The following USH2A variants were observed in gnomAD, a reference collection of about 807,000 sequenced individuals.
The protein encoded by USH2A is usherin.
In USH2A, 443 loss-of-function variants were observed where a neutral mutation model predicts 538.9. That is an observed-to-expected ratio of 0.82 (90% confidence interval 0.76 to 0.89). The LOEUF is 0.89. Ranked by LOEUF, USH2A falls within the 40% of genes least tolerant of loss-of-function variation. The pLI is 0.00. For synonymous variants in USH2A, 2,413 were observed against 2,273.5 expected, an observed-to-expected ratio of 1.06 and a Z score of -1.75; for missense variants, 6,633 against 6,324.8, an observed-to-expected ratio of 1.05 and a Z score of -1.65.
intron 32 of USH2A, among the ~76,000 whole-genome samples, chr1:216,010,582 T>G (rs1668536398): frequency 6.6e-6 from 1 of 151,824 alleles, no homozygotes; most frequent in African/African-American, 2.4e-5. Flanking sequence ...ATACGGAGGC[T>G]ACTCACTCCA....
intron 16 of USH2A, chr1:216,204,181 C>T (rs1360320711): frequency 1.3e-5 from 2 of 152,602 alleles, no homozygotes; most frequent in African/African-American, 4.8e-5. Flanking sequence ...TGTCCACTCC[C>T]TAAACCTGCA....
intron 14 of USH2A, among the ~76,000 whole-genome samples, chr1:216,225,448 G>T (rs950041070): frequency 2.6e-5 from 4 of 152,188 alleles, no homozygotes; most frequent in African/African-American, 9.6e-5. Flanking sequence ...TCATCAGTGG[G>T]ATAGGAGGGT....
chr1:216,280,703 A>C (rs900398255), intron 11 of USH2A, among the ~76,000 whole-genome samples: 4 of 62,768 alleles, frequency 6.4e-5, no homozygotes, highest in Non-Finnish European at 1.5e-4. Context: ...ATAAGGAAGA[A>C]TTACAACATT....
intron 11 of USH2A, among the ~76,000 whole-genome samples, chr1:216,276,698 A>C (rs763932674): frequency 1.3e-5 from 2 of 152,134 alleles, no homozygotes; most frequent in Non-Finnish European, 2.9e-5. Context: ...CAATCATGGC[A>C]GAAGGCAAGG....
intron 4 of USH2A, among the ~76,000 whole-genome samples, chr1:216,359,038 C>A (rs1455130475): frequency 1.3e-5 from 2 of 152,112 alleles, no homozygotes; most frequent in Non-Finnish European, 2.9e-5. Flanking sequence ...ATAAGGCTCA[C>A]AAGATTTAAT....
chr1:215,820,289 T>TCACACACA, intron 47 of USH2A, among the ~76,000 whole-genome samples: 2 of 150,308 alleles, frequency 1.3e-5, no homozygotes, highest in African/African-American at 2.4e-5. Flanking sequence ...TCTCATTCCT[T>TCACACACA]CACACACACA....
intron 61 of USH2A, among the ~76,000 whole-genome samples, chr1:215,709,894 G>T (rs966961429): frequency 6.6e-6 from 1 of 152,062 alleles, no homozygotes; most frequent in Non-Finnish European, 1.5e-5. Flanking sequence ...ACTATTTCTA[G>T]GGTTGAATGA....
chr1:216,188,726 G>T (rs2034657293), intron 20 of USH2A, among the ~76,000 whole-genome samples: 1 of 151,754 alleles, frequency 6.6e-6, no homozygotes, highest in South Asian at 2.1e-4. Flanking sequence ...AACACTTGGG[G>T]GAATATTACA....
rs571954128 is a variant in USH2A at position 216,337,080 on chromosome 1, G to A, written c.785-9426C>T. Among the ~76,000 whole-genome samples the A allele has an allele frequency of 4.6e-5, 7 of 151,486 alleles. No homozygotes were observed. In the South Asian group the frequency reaches 1.2e-3, roughly 27 times the overall value. ...ACCAGAAATATTACAACAAAGAAAT[G>A]TCCAGAAATAGCAGCCAGAGACAGA... On this transcript the variant is annotated intron_variant, in intron 4 of 71. Transcript: ENST00000307340.
At chr1:215,628,013 C>T (rs1222623685) in intron 71 of USH2A, among the ~76,000 whole-genome samples, 1 of 152,086 alleles carries the variant, frequency 6.6e-6, no homozygotes, top group Non-Finnish European at 1.5e-5. Context: ...ATGATTTGTA[C>T]CCACTGGACT....
At chr1:215,819,849 T>C (rs1165165932) in intron 47 of USH2A, among the ~76,000 whole-genome samples, 3 of 151,560 alleles carry the variant, frequency 2.0e-5, no homozygotes, top group African/African-American at 7.3e-5. Flanking sequence ...TTAAGAAGAG[T>C]ATTGGGTTTA....
chr1:215,735,856 A>G (rs536819430), intron 60 of USH2A, among the ~76,000 whole-genome samples: 2 of 152,312 alleles, frequency 1.3e-5, no homozygotes, highest in Admixed American at 1.3e-4. Context: ...TTTCTAAAAC[A>G]TGGCTTTGGA....
intron 61 of USH2A, among the ~76,000 whole-genome samples, chr1:215,692,972 T>G (rs1285671129): frequency 6.6e-6 from 1 of 151,600 alleles, no homozygotes; most frequent in Non-Finnish European, 1.5e-5. Flanking sequence ...GGCATGATCT[T>G]GGCTCATGGC....
intron 61 of USH2A, among the ~76,000 whole-genome samples, chr1:215,720,181 A>T (rs1408772815): frequency 1.3e-5 from 2 of 152,096 alleles, no homozygotes; most frequent in East Asian, 3.9e-4. Flanking sequence ...TTCATAAAAA[A>T]AATTAAAGAA....
intron 35 of USH2A, among the ~76,000 whole-genome samples, chr1:215,972,412 G>A (rs1175385926): frequency 2.0e-5 from 3 of 152,056 alleles, no homozygotes; most frequent in African/African-American, 4.8e-5. Context: ...ATGTCAAATC[G>A]GCAAGTGTAG....
At chr1:216,219,835 T>C (rs1020791754) in intron 14 of USH2A, among the ~76,000 whole-genome samples, 1 of 152,150 alleles carries the variant, frequency 6.6e-6, no homozygotes, top group Non-Finnish European at 1.5e-5. Flanking sequence ...AAACAATTTG[T>C]GATGTTTATT....
At chr1:216,174,552 T>A in intron 21 of USH2A, 2 of 983,174 alleles carry the variant, frequency 2.0e-6, no homozygotes, top group Non-Finnish European at 2.4e-6. Context: ...GCTTTCACAT[T>A]GATTTTCATT....
At chr1:215,679,079 A>G (rs1571952599) in intron 62 of USH2A, among the ~76,000 whole-genome samples, 3 of 152,332 alleles carry the variant, frequency 2.0e-5, no homozygotes, top group Admixed American at 2.0e-4. Flanking sequence ...GTCCACATGT[A>G]GGCAGGCTGG....
chr1:216,077,663 T>C (rs1374954675), intron 27 of USH2A, among the ~76,000 whole-genome samples: 1 of 146,452 alleles, frequency 6.8e-6, no homozygotes, highest in Non-Finnish European at 1.5e-5. Context: ...TTTAAATAAA[T>C]ATATAAATTA....
Sources: gnomAD v4.1 joint callset for allele counts (sites outside exome capture counted in the v4.1 genomes callset) on GRCh38, gnomAD v4.1.1 for gene constraint, MANE v1.5 for transcripts, NCBI Gene and HGNC (gene_info 2026-07-23, HGNC 2026-07-21) for gene names.